KIF6: variants seen among roughly 807,000 people sequenced by gnomAD.
KIF6 encodes the protein kinesin family member 6, also known as kinesin-like protein KIF6.
Under a neutral mutation model 112.7 loss-of-function variants are expected in KIF6, and 106 were observed. The observed-to-expected ratio is 0.94, with a 90% confidence interval of 0.80 to 1.11. KIF6 has a LOEUF of 1.11. Ranked by LOEUF, KIF6 falls within the 50% of genes least tolerant of loss-of-function variation. KIF6 has a pLI of 0.00. For missense variants in KIF6, 929 were observed against 964.0 expected (o/e 0.96, Z 0.48); for synonymous variants, 339 against 339.9 (o/e 1.00, Z 0.03).
intron 13 of KIF6, among the ~76,000 whole-genome samples, chr6:39,538,241 C>T (rs1479459722): frequency 6.6e-6 from 1 of 151,376 alleles, no homozygotes; most frequent in African/African-American, 2.4e-5. Flanking sequence ...TAAAGAGCTT[C>T]TGCACAGCAA....
intron 22 of KIF6, among the ~76,000 whole-genome samples, chr6:39,337,004 T>A (rs1459244094): frequency 2.1e-5 from 3 of 142,694 alleles, no homozygotes; most frequent in Non-Finnish European, 4.6e-5. Context: ...CCTTCCTTTC[T>A]TCCCTCCCTC....
intron 16 of KIF6, among the ~76,000 whole-genome samples, chr6:39,376,346 C>T (rs1420601873): frequency 1.3e-5 from 2 of 152,200 alleles, no homozygotes; most frequent in African/African-American, 2.4e-5. Flanking sequence ...AGCCTGCCTT[C>T]ACAGAGGTAA....
chr6:39,354,957 C>T (rs1344968434), intron 19 of KIF6, among the ~76,000 whole-genome samples: 2 of 152,200 alleles, frequency 1.3e-5, no homozygotes, highest in Non-Finnish European at 2.9e-5. Flanking sequence ...GTGGGAGGAT[C>T]ACTTGAGCCA....
At chr6:39,703,077 C>A (rs1433562515) in intron 3 of KIF6, among the ~76,000 whole-genome samples, 10 of 37,406 alleles carry the variant, frequency 2.7e-4, no homozygotes, top group South Asian at 1.9e-3. Context: ...ATCCACCAAC[C>A]CCCCACCCCC....
At chr6:39,349,840 T>G (rs548360371) in intron 19 of KIF6, among the ~76,000 whole-genome samples, 17 of 152,032 alleles carry the variant, frequency 1.1e-4, no homozygotes, top group African/African-American at 3.9e-4. Context: ...GAGATGAGGG[T>G]TCACCATATT....
intron 13 of KIF6, among the ~76,000 whole-genome samples, chr6:39,457,948 A>T (rs2150417929): frequency 6.6e-6 from 1 of 150,718 alleles, no homozygotes; most frequent in East Asian, 2.0e-4. Context: ...AGGTACAAGG[A>T]GGAACTGGTA....
At chr6:39,507,702 T>TCCTC (rs776630253) in intron 13 of KIF6, among the ~76,000 whole-genome samples, 4,071 of 110,486 alleles carry the variant, frequency 0.037, 124 homozygotes, top group East Asian at 0.18. Flanking sequence ...CTTCCTTCCT[T>TCCTC]CCTCCCTCCC....
chr6:39,713,979 G>A (rs1217954770), intron 3 of KIF6, among the ~76,000 whole-genome samples: 9 of 152,172 alleles, frequency 5.9e-5, no homozygotes, highest in Admixed American at 5.9e-4. Flanking sequence ...AATGTGTCTT[G>A]GGATTATCAT....
intron 13 of KIF6, among the ~76,000 whole-genome samples, chr6:39,473,202 A>T (rs1407319905): frequency 6.6e-6 from 1 of 152,024 alleles, no homozygotes; most frequent in Non-Finnish European, 1.5e-5. Context: ...AAAGGTGCAC[A>T]TTTTTCAATC....
At position 39,343,483 on chromosome 6, in the gene KIF6, T is replaced by C. The variant is rs1456604056; in HGVS notation, c.2428+226A>G. 6.7e-7 allele frequency: 1 copy of C among 1,485,932 alleles called. No homozygotes were observed. Among genetic ancestry groups the C allele is most frequent in the African/African-American group, 1.4e-5 (1 of 72,010 alleles). The allele number at this position is 1,485,932 out of a possible 1,614,324, so 92.0% of individuals were successfully genotyped here. On this transcript the variant is annotated intron_variant, in intron 22 of 22. Transcript: ENST00000287152. The surrounding 1 kb of genome is among the most constrained non-coding windows in gnomAD (Gnocchi z 4.1). ...CTCTGCCAAGAGGGACAGGAGCACCTGGGCCGCCCACCCACTTGGGCCTGT... is the reference window on the plus strand; with the variant it reads ...CTCTGCCAAGAGGGACAGGAGCACCCGGGCCGCCCACCCACTTGGGCCTGT...
intron 10 of KIF6, among the ~76,000 whole-genome samples, chr6:39,575,740 C>G (rs1194745987): frequency 6.6e-6 from 1 of 152,170 alleles, no homozygotes; most frequent in African/African-American, 2.4e-5. Context: ...ACAAACTGCC[C>G]CACTACAACA....
chr6:39,348,015 C>G (rs1481830789), intron 19 of KIF6, among the ~76,000 whole-genome samples: 1 of 152,220 alleles, frequency 6.6e-6, no homozygotes, highest in Non-Finnish European at 1.5e-5. Context: ...GAGGTAGCCA[C>G]CAGGTGGCAG....
At chr6:39,441,502 C>T (rs113003023) in intron 13 of KIF6, among the ~76,000 whole-genome samples, 224 of 152,286 alleles carry the variant, frequency 1.5e-3, no homozygotes, top group African/African-American at 5.2e-3. Context: ...TCCTCCACCT[C>T]CAGGGTGATG....
intron 22 of KIF6, among the ~76,000 whole-genome samples, chr6:39,337,215 C>CT (rs796820525): frequency 1.1e-5 from 1 of 94,950 alleles, no homozygotes; most frequent in African/African-American, 8.3e-5. Context: ...TTCTTTCTTT[C>CT]TTTCTTTCTT....
At chr6:39,520,613 C>G (rs983456308) in intron 13 of KIF6, among the ~76,000 whole-genome samples, 4 of 152,244 alleles carry the variant, frequency 2.6e-5, no homozygotes, top group Non-Finnish European at 2.9e-5. Flanking sequence ...GGAACCAAAT[C>G]AGCCTGAAAT....
At chr6:39,387,769 G>A (rs1767545561) in intron 15 of KIF6, among the ~76,000 whole-genome samples, 1 of 152,192 alleles carries the variant, frequency 6.6e-6, no homozygotes, top group Admixed American at 6.5e-5. Context: ...CTGCTGGACT[G>A]AGACTCTAGG....
At chr6:39,451,885 C>G (rs756318099) in intron 13 of KIF6, among the ~76,000 whole-genome samples, 1 of 152,088 alleles carries the variant, frequency 6.6e-6, no homozygotes, top group Admixed American at 6.5e-5. Flanking sequence ...CCCAATCTGT[C>G]CAGAAGAGCT....
chr6:39,554,582 G>C (rs981677690), intron 10 of KIF6: 1 of 152,922 alleles, frequency 6.5e-6, no homozygotes, highest in African/African-American at 2.4e-5. Flanking sequence ...GGTGAGCTGA[G>C]CTCACTCCCA....
chr6:39,399,918 G>A (rs1194312910), intron 15 of KIF6, among the ~76,000 whole-genome samples: 1 of 152,348 alleles, frequency 6.6e-6, no homozygotes, highest in East Asian at 1.9e-4. Context: ...ACCAGCAATG[G>A]CACCATTAGA....
Sources: gnomAD v4.1 joint callset for allele counts (sites outside exome capture counted in the v4.1 genomes callset) on GRCh38, gnomAD v4.1.1 for gene constraint, Gnocchi (gnomAD v3.1) non-coding constraint, MANE v1.5 for transcripts, NCBI Gene and HGNC (gene_info 2026-07-23, HGNC 2026-07-21) for gene names.